SLC2A5: variants seen among roughly 807,000 people sequenced by gnomAD.
SLC2A5 encodes the protein solute carrier family 2 member 5.
A neutral mutation model predicts 50.3 loss-of-function variants in SLC2A5; 56 were observed. The ratio of observed to expected loss-of-function variants is 1.11; its 90% confidence interval spans 0.90 to 1.39. The LOEUF (loss-of-function observed/expected upper bound fraction) is 1.39, where lower values mean the gene tolerates loss of function less well. SLC2A5 is among the 40% of genes most tolerant of loss of function. SLC2A5 has a pLI of 0.00. For missense variants in SLC2A5, 566 were observed against 650.1 expected (o/e 0.87, Z 1.41); for synonymous variants, 269 against 281.9 (o/e 0.95, Z 0.46).
chr1:9,055,392 C>T lies in SLC2A5; in HGVS notation c.293+2056G>A, dbSNP rs184413117. Among the ~76,000 whole-genome samples the T allele has an allele frequency of 6.0e-3, 912 of 152,110 alleles. 6 individuals are homozygous for T. The highest frequency in any genetic ancestry group is 0.014 in the Middle Eastern group (4 of 294). On this transcript the variant is annotated intron_variant, in intron 3 of 11. Transcript: ENST00000377424. ...ATTAGCTGGGTGTGGTGGCATGCGC[C>T]TGTAATCCCAGCTACTTGGGAGGCC...
intron 2 of SLC2A5, among the ~76,000 whole-genome samples, chr1:9,081,274 A>C (rs1385461492): frequency 6.4e-5 from 9 of 139,810 alleles, no homozygotes; most frequent in East Asian, 5.5e-4. Context: ...AAAAAAAAAA[A>C]AAAAACCCCA....
chr1:9,050,214 T>G (rs974428087), intron 3 of SLC2A5, among the ~76,000 whole-genome samples: 2 of 151,996 alleles, frequency 1.3e-5, no homozygotes, highest in Non-Finnish European at 2.9e-5. Flanking sequence ...GAGGCAGAGT[T>G]TGCAGTGAGC....
At chr1:9,065,893 G>T (rs966865890) in intron 1 of SLC2A5, among the ~76,000 whole-genome samples, 3 of 152,066 alleles carry the variant, frequency 2.0e-5, no homozygotes, top group African/African-American at 7.2e-5. Flanking sequence ...GCAATGAGCC[G>T]TGATTGTGCC....
chr1:9,069,811 AT>A (rs1642176576), upstream of SLC2A5: 1 of 424,550 alleles, frequency 2.4e-6, no homozygotes, highest in Admixed American at 4.0e-5. Context: ...AGTCTACGGT[AT>A]TTCCCCATTG....
chr1:9,049,256 A>T (rs763761296), intron 3 of SLC2A5: 6 of 452,368 alleles, frequency 1.3e-5, no homozygotes, highest in South Asian at 9.3e-5. Flanking sequence ...AGAGCCGCTT[A>T]TACTAACAGC....
chr1:9,051,076 G>A (rs1265032709), intron 3 of SLC2A5, among the ~76,000 whole-genome samples: 1 of 152,150 alleles, frequency 6.6e-6, no homozygotes, highest in Admixed American at 6.6e-5. Flanking sequence ...AGGAACCAGT[G>A]GCATATCAAG....
chr1:9,058,077 A>ACGCTGG, intron 2 of SLC2A5, 75 bp downstream of exon 2: 1 of 1,095,166 alleles, frequency 9.1e-7, no homozygotes, highest in Non-Finnish European at 1.4e-6. Flanking sequence ...GAACAGCCCC[A>ACGCTGG]CGCTGGCCAG....
At chr1:9,077,022 C>T (rs1374925660) in intron 2 of SLC2A5, among the ~76,000 whole-genome samples, 3 of 151,302 alleles carry the variant, frequency 2.0e-5, no homozygotes, top group African/African-American at 7.3e-5. Flanking sequence ...CTCCTGACCT[C>T]GTGATCCGCT....
chr1:9,067,694 G>T (rs1642117573), intron 1 of SLC2A5, among the ~76,000 whole-genome samples: 1 of 152,174 alleles, frequency 6.6e-6, no homozygotes, highest in Non-Finnish European at 1.5e-5. Flanking sequence ...TCAGTTGAGG[G>T]CTGGGAGTGG....
At chr1:9,047,872 T>A in intron 3 of SLC2A5, 138 bp from the exon 4 acceptor site, 4 of 849,888 alleles carry the variant, frequency 4.7e-6, no homozygotes, top group African/African-American at 1.7e-5. Context: ...CTCTGGGACC[T>A]GAGACTGATA....
rs372643132 is a variant in SLC2A5 at position 9,039,843 on chromosome 1, A to T, written c.842T>A (p.Ile281Asn). ...CTGCTGGCCGCCCATGAGGACGATG[A>T]TGGACAGCAGCTGCCAGCGCAGCGA... ...MRSLRWQLLS[I>N]IVLMGGQQLS... The change falls in exon 7 of 12, where the codon ATC becomes AAC. Residue 281 changes from isoleucine (I) to asparagine (N), a missense_variant. Physicochemically the swap from Ile to Asn is moderately radical, Grantham distance 149. Coordinates refer to ENST00000377424, the MANE Select transcript of SLC2A5 (RefSeq NM_003039.3). 4.3e-6 allele frequency: 7 copies of T among 1,609,754 alleles called. No homozygotes were observed. The highest frequency in any genetic ancestry group is 5.9e-6 in the Non-Finnish European group (7 of 1,178,690).
At chr1:9,059,306 C>T (rs1310313917) in intron 1 of SLC2A5, among the ~76,000 whole-genome samples, 1 of 151,658 alleles carries the variant, frequency 6.6e-6, no homozygotes, top group Non-Finnish European at 1.5e-5. Flanking sequence ...CCACGCCTGG[C>T]TAATTTTTTG....
chr1:9,063,377 T>G (rs12082529), intron 1 of SLC2A5, among the ~76,000 whole-genome samples: 31,560 of 151,630 alleles, frequency 0.21, 4,409 homozygotes, highest in East Asian at 0.42. Flanking sequence ...TTAAATTTTT[T>G]TTGTTGTTGT....
intron 1 of SLC2A5, among the ~76,000 whole-genome samples, chr1:9,064,546 C>T (rs1391630462): frequency 1.3e-5 from 2 of 152,146 alleles, no homozygotes; most frequent in African/African-American, 4.8e-5. Flanking sequence ...ATAACGACCA[C>T]CCCAAGAAAG....
At position 9,057,347 on chromosome 1, in the gene SLC2A5, A is replaced by G. The variant is rs867762478; in HGVS notation, c.293+101T>C. 18 of 605,656 alleles carry G rather than the reference A, an allele frequency of 3.0e-5. 1 individual carries two copies. The Middle Eastern group carries it at 1.2e-3, about 41-fold the overall frequency. The allele number at this position is 605,656 out of a possible 1,614,324, so 37.5% of individuals were successfully genotyped here. Reference sequence around the variant, plus strand: ...AAAAAGAAAAATGACCACAGTGGTTATTATCTTAGTCTCATGGTAAGGATT... The same window carrying G: ...AAAAAGAAAAATGACCACAGTGGTTGTTATCTTAGTCTCATGGTAAGGATT... On this transcript the variant is annotated intron_variant, in intron 3 of 11. Coordinates refer to ENST00000377424, the MANE Select transcript of SLC2A5 (RefSeq NM_003039.3).
intron 1 of SLC2A5, among the ~76,000 whole-genome samples, chr1:9,086,273 C>A (rs74051036): frequency 0.027 from 4,090 of 152,116 alleles, 85 homozygotes; most frequent in African/African-American, 0.062. Flanking sequence ...CATGGCATTG[C>A]AGTAAAGGAA....
rs5840 is a variant in SLC2A5, at chr1:9,037,182, C to T, written c.*404G>A. The T allele has an allele frequency of 0.4, 84,384 of 208,630 alleles. 18,285 individuals carry two copies. Among genetic ancestry groups the T allele is most frequent in the East Asian group, 0.65 (5,456 of 8,344 alleles). The allele number at this position is 208,630 out of a possible 1,614,324, so 12.9% of individuals were successfully genotyped here. ...ATGCCCATGGCCCCGGAAGACCTGT[C>T]GGGGCCACCAAGTTAGTTTCTCTGG... On this transcript the variant is annotated 3_prime_UTR_variant, in exon 12 of 12. Coordinates refer to ENST00000377424, the MANE Select transcript of SLC2A5 (RefSeq NM_003039.3).
At chr1:9,039,359 C>T (rs1225834840) in intron 8 of SLC2A5, among the ~76,000 whole-genome samples, 193 bp downstream of exon 8, 1 of 152,234 alleles carries the variant, frequency 6.6e-6, no homozygotes, top group African/African-American at 2.4e-5. Context: ...GTGGTGGCCC[C>T]GGGCCCGGTG....
intron 2 of SLC2A5, among the ~76,000 whole-genome samples, chr1:9,077,778 A>AGGGAGGGAGAGAGGGAGGGAGAGAGGGG (rs1642308655): frequency 7.2e-6 from 1 of 139,516 alleles, no homozygotes; most frequent in Admixed American, 7.4e-5. Flanking sequence ...GGAGGGAGGG[A>AGGGAGGGAGAGAGGGAGGGAGAGAGGGG]AAGAAGGGGA....
Sources: allele counts gnomAD v4.1 joint callset (sites outside exome capture counted in the v4.1 genomes callset), GRCh38; gene constraint gnomAD v4.1.1; transcripts MANE v1.5; gene names NCBI Gene and HGNC (gene_info 2026-07-23, HGNC 2026-07-21).